The following RUFY3 variants were observed in gnomAD, a reference collection of about 807,000 sequenced individuals.
RUFY3 encodes the protein RUN and FYVE domain containing 3, also known as protein RUFY3.
A neutral mutation model predicts 84.0 loss-of-function variants in RUFY3; 34 were observed. The observed-to-expected ratio is 0.40, with a 90% CI of 0.31 to 0.54. RUFY3 has a LOEUF of 0.54. RUFY3 is among the 20% of genes least tolerant of loss of function. The pLI is 0.39. For synonymous variants in RUFY3, 242 were observed against 252.9 expected, an observed-to-expected ratio of 0.96 and a Z score of 0.41; for missense variants, 507 against 736.8, an observed-to-expected ratio of 0.69 and a Z score of 3.61.
chr4:70,712,143 T>G (rs1358347808), intron 1 of RUFY3, among the ~76,000 whole-genome samples: 3 of 152,224 alleles, frequency 2.0e-5, no homozygotes, highest in African/African-American at 7.2e-5. Context: ...TAAAAGGCTC[T>G]TCATTATATA....
At chr4:70,766,922 A>G (rs1726036940) in intron 4 of RUFY3, among the ~76,000 whole-genome samples, 1 of 151,884 alleles carries the variant, frequency 6.6e-6, no homozygotes, top group African/African-American at 2.4e-5. Flanking sequence ...ATAACCACTG[A>G]TCGTACTGTG....
At chr4:70,799,539 C>T (rs1427529838) in intron 14 of RUFY3, 1 of 152,302 alleles carries the variant, frequency 6.6e-6, no homozygotes, top group East Asian at 1.9e-4. Flanking sequence ...AGTAAAAATA[C>T]AAAAATAAGC....
chr4:70,705,915 T>G (rs1446149709), intron 1 of RUFY3, among the ~76,000 whole-genome samples: 1 of 152,124 alleles, frequency 6.6e-6, no homozygotes, highest in African/African-American at 2.4e-5. Flanking sequence ...GAGCGGTGCA[T>G]GAGAAGACAA....
intron 1 of RUFY3, among the ~76,000 whole-genome samples, chr4:70,731,106 C>T (rs927901763): frequency 1.1e-4 from 16 of 148,998 alleles, no homozygotes; most frequent in Non-Finnish European, 2.1e-4. Flanking sequence ...TGCGCGATTT[C>T]GGCTCACTGC....
At chr4:70,765,563 C>T (rs930775456) in intron 4 of RUFY3, among the ~76,000 whole-genome samples, 3 of 152,042 alleles carry the variant, frequency 2.0e-5, no homozygotes, top group Non-Finnish European at 4.4e-5. Flanking sequence ...AGCCATATTC[C>T]ACTTCTGAAC....
At chr4:70,757,743 C>T (rs1043504723) in intron 1 of RUFY3, among the ~76,000 whole-genome samples, 6 of 152,218 alleles carry the variant, frequency 3.9e-5, no homozygotes, top group Admixed American at 3.9e-4. Flanking sequence ...TTTGTATTAA[C>T]CAACTGCGAT....
upstream of RUFY3, among the ~76,000 whole-genome samples, chr4:70,718,118 C>T (rs1029323251): frequency 2.0e-5 from 3 of 152,126 alleles, no homozygotes; most frequent in South Asian, 6.2e-4. Context: ...CTCCTGACCT[C>T]GTGATCTACC....
Position 70,764,924 on chromosome 4 carries a change from G to A in RUFY3, c.572+348G>A, listed in dbSNP as rs141849505. ...AAATTGGACGGGTGCAGTGGTTCAC[G>A]CCTGTAATCCCAGCATTTCGGGAGG... is the stretch of plus-strand genomic sequence containing the variant. On this transcript the variant is annotated intron_variant, in intron 4 of 17. Transcript: ENST00000381006. Among the ~76,000 whole-genome samples the A allele has an allele frequency of 5.6e-3, 845 of 152,142 alleles. 7 individuals carry two copies. Among genetic ancestry groups the A allele is most frequent in the African/African-American group, 0.017 (721 of 41,496 alleles).
At chr4:70,791,968 AAGTT>A (rs1313661927) in intron 12 of RUFY3, 2 of 984,052 alleles carry the variant, frequency 2.0e-6, no homozygotes, top group African/African-American at 3.5e-5. Flanking sequence ...CATAGAAATA[AAGTT>A]AGTAATTAGG....
At chr4:70,771,946 TATCATAAAGGAACCAGATC>T (rs1727035604) in intron 5 of RUFY3, among the ~76,000 whole-genome samples, 1 of 152,132 alleles carries the variant, frequency 6.6e-6, no homozygotes, top group Non-Finnish European at 1.5e-5. Flanking sequence ...ATGAATGGAT[TATCATAAAGGAACCAGATC>T]ATCATAAAGG....
intron 1 of RUFY3, among the ~76,000 whole-genome samples, chr4:70,724,632 A>T (rs1364397983): frequency 6.6e-6 from 1 of 152,262 alleles, no homozygotes; most frequent in African/African-American, 2.4e-5. Context: ...CAAGACCTGT[A>T]ATCAACTATA....
intron 12 of RUFY3, 90 bp from the exon 13 acceptor site, chr4:70,793,695 T>C: frequency 6.2e-7 from 1 of 1,605,578 alleles, no homozygotes; most frequent in Non-Finnish European, 8.5e-7. Context: ...GCATTCTTCC[T>C]TGGGTTATTT....
intron 4 of RUFY3, among the ~76,000 whole-genome samples, chr4:70,767,446 T>C (rs1726169076): frequency 6.6e-6 from 1 of 151,850 alleles, no homozygotes; most frequent in South Asian, 2.1e-4. Flanking sequence ...CATATGCCAT[T>C]GTCCATTCAT....
upstream of RUFY3, chr4:70,704,745 C>A (rs1336668578): frequency 8.3e-5 from 30 of 359,904 alleles, no homozygotes; most frequent in East Asian, 1.4e-3. Flanking sequence ...CTCCAGCTGG[C>A]TTGGACCCTG....
chr4:70,791,408 A>G (rs1221283827), intron 12 of RUFY3: 1 of 1,452,038 alleles, frequency 6.9e-7, no homozygotes, highest in Non-Finnish European at 9.1e-7. Flanking sequence ...ATGTCACCAA[A>G]AAGTTGACTT....
chr4:70,796,468 C>A (rs1471726908), intron 14 of RUFY3, among the ~76,000 whole-genome samples: 1 of 152,164 alleles, frequency 6.6e-6, no homozygotes, highest in African/African-American at 2.4e-5. Flanking sequence ...GTTCTTGATC[C>A]CACTTGTTTA....
chr4:70,790,930 C>T (rs1730705867), intron 12 of RUFY3, among the ~76,000 whole-genome samples: 1 of 152,050 alleles, frequency 6.6e-6, no homozygotes, highest in African/African-American at 2.4e-5. Flanking sequence ...CTTACATAGC[C>T]AAATACAAAT....
intron 16 of RUFY3, 75 bp from the exon 17 acceptor site, chr4:70,804,273 G>T: frequency 8.4e-7 from 1 of 1,193,854 alleles, no homozygotes. Flanking sequence ...AATATTGTAG[G>T]TAAAAAATGC....
intron 10 of RUFY3, among the ~76,000 whole-genome samples, chr4:70,785,111 T>C (rs1702615329): frequency 6.6e-6 from 1 of 152,184 alleles, no homozygotes; most frequent in South Asian, 2.1e-4. Context: ...GCTTTTATAG[T>C]TTGTATTACA....
Sources: allele counts gnomAD v4.1 joint callset (sites outside exome capture counted in the v4.1 genomes callset), GRCh38; gene constraint gnomAD v4.1.1; transcripts MANE v1.5; gene names NCBI Gene and HGNC (gene_info 2026-07-23, HGNC 2026-07-21).